BCKDHB: variants seen among roughly 807,000 people sequenced by gnomAD.
The protein encoded by BCKDHB is branched chain keto acid dehydrogenase E1 subunit beta.
Under a neutral mutation model 48.5 loss-of-function variants are expected in BCKDHB, and 41 were observed. The ratio of observed to expected loss-of-function variants is 0.85; its 90% CI spans 0.66 to 1.10. The LOEUF is 1.10. Ranked by LOEUF, BCKDHB falls within the 50% of genes least tolerant of loss-of-function variation. BCKDHB has a pLI of 0.00. For missense variants in BCKDHB, 496 were observed against 494.2 expected (o/e 1.00, Z -0.03); for synonymous variants, 201 against 174.8 (o/e 1.15, Z -1.18).
intron 3 of BCKDHB, among the ~76,000 whole-genome samples, chr6:80,132,014 C>T (rs1770654565): frequency 6.6e-6 from 1 of 151,974 alleles, no homozygotes; most frequent in Non-Finnish European, 1.5e-5. Flanking sequence ...TTTATTTTAT[C>T]TATTTTTTAG....
Position 80,331,929 on chromosome 6 carries a change from T to C in BCKDHB, c.1039-11735T>C, listed in dbSNP as rs1582581565. Among the ~76,000 whole-genome samples, 4 of 152,166 alleles carry C rather than the reference T, an allele frequency of 2.6e-5. No individual in the cohort carries two copies. In the Middle Eastern group the frequency reaches 0.014, roughly 521 times the overall value. Reference sequence around the variant, plus strand: ...AAAATCCTTGGGGGTTGGTTATTTGTTATGTCAATTGTAAGCATGCTCATT... The same window carrying C: ...AAAATCCTTGGGGGTTGGTTATTTGCTATGTCAATTGTAAGCATGCTCATT... On this transcript the variant is annotated intron_variant, in intron 9 of 9. Coordinates refer to ENST00000320393, the MANE Select transcript of BCKDHB (RefSeq NM_183050.4).
the BCKDHB span, among the ~76,000 whole-genome samples, chr6:80,384,560 T>C: frequency 1.3e-5 from 2 of 152,040 alleles, no homozygotes; most frequent in East Asian, 1.9e-4. Context: ...AGTTTCACCA[T>C]GTTGGCCACG....
At chr6:80,333,427 G>T (rs1229917703) in intron 9 of BCKDHB, among the ~76,000 whole-genome samples, 1 of 152,054 alleles carries the variant, frequency 6.6e-6, no homozygotes, top group Non-Finnish European at 1.5e-5. Context: ...AAATAGCTGG[G>T]TTTTTTTGTT....
chr6:80,334,713 C>T (rs1051988631), intron 9 of BCKDHB, among the ~76,000 whole-genome samples: 2 of 151,528 alleles, frequency 1.3e-5, no homozygotes, highest in African/African-American at 4.8e-5. Context: ...AAAATAGATT[C>T]CCCCCTCCCC....
At chr6:80,147,109 A>G (rs1178033875) in intron 3 of BCKDHB, among the ~76,000 whole-genome samples, 2 of 152,144 alleles carry the variant, frequency 1.3e-5, no homozygotes, top group Non-Finnish European at 2.9e-5. Context: ...CTGTTCTTAG[A>G]ACTTTACATA....
At chr6:80,420,143 G>T in the BCKDHB span, among the ~76,000 whole-genome samples, 1 of 152,090 alleles carries the variant, frequency 6.6e-6, no homozygotes, top group African/African-American at 2.4e-5. Flanking sequence ...GACAATTTTT[G>T]ATCTCCAATT....
chr6:80,418,507 A>G, the BCKDHB span, among the ~76,000 whole-genome samples: 3 of 152,140 alleles, frequency 2.0e-5, no homozygotes, highest in African/African-American at 4.8e-5. Flanking sequence ...TGATTATGGT[A>G]AAAGGTGGAT....
chr6:80,309,464 T>C (rs146924991), intron 9 of BCKDHB, among the ~76,000 whole-genome samples: 262 of 152,360 alleles, frequency 1.7e-3, no homozygotes, highest in African/African-American at 6.0e-3. Flanking sequence ...TCTCATCCTT[T>C]CTATAGTCTC....
intron 9 of BCKDHB, among the ~76,000 whole-genome samples, chr6:80,281,240 C>CTGAAGAAGAAGCTGCCTGGGT (rs1266134143): frequency 6.6e-6 from 1 of 151,934 alleles, no homozygotes; most frequent in Non-Finnish European, 1.5e-5. Flanking sequence ...GGGAAAGTTT[C>CTGAAGAAGAAGCTGCCTGGGT]TGAAGAAGAA....
the BCKDHB span, among the ~76,000 whole-genome samples, chr6:80,447,070 C>T: frequency 6.6e-6 from 1 of 152,040 alleles, no homozygotes; most frequent in South Asian, 2.1e-4. Flanking sequence ...AGTGATGAAG[C>T]TTGGGACCTT....
intron 9 of BCKDHB, among the ~76,000 whole-genome samples, chr6:80,330,713 T>C (rs972787787): frequency 6.6e-5 from 4 of 61,004 alleles, no homozygotes; most frequent in African/African-American, 1.8e-4. Context: ...ACTACAGGTA[T>C]GAAATATAAC....
rs1385303285 is a variant in BCKDHB at position 80,204,309 on chromosome 6, TCTAAAC to T, written c.951+1098_951+1103del. On this transcript the variant is annotated intron_variant, in intron 8 of 9. Coordinates refer to ENST00000320393, the MANE Select transcript of BCKDHB (RefSeq NM_183050.4). ...GTTTGTGAAGACTCACTTGACACCATCTAAACACTTGACATGCTTACAAATGATCCC... is the reference window on the plus strand; with the variant it reads ...GTTTGTGAAGACTCACTTGACACCATACTTGACATGCTTACAAATGATCCC... Among the ~76,000 whole-genome samples, 4 of 152,266 alleles carry T rather than the reference TCTAAAC, an allele frequency of 2.6e-5. No individual in the cohort carries two copies. The East Asian group carries it at 7.7e-4, about 29-fold the overall frequency.
chr6:80,437,182 A>G, the BCKDHB span, among the ~76,000 whole-genome samples: 2 of 152,198 alleles, frequency 1.3e-5, no homozygotes, highest in African/African-American at 2.4e-5. Flanking sequence ...TAGACTTCCC[A>G]GAATAAAATC....
At position 80,198,219 on chromosome 6, in the gene BCKDHB, C is replaced by T. The variant is rs374876033; in HGVS notation, c.743-2715C>T. 7.9e-5 allele frequency among the ~76,000 whole-genome samples: 12 copies of T among 152,192 alleles called. No individual in the cohort carries two copies. In the East Asian group the frequency reaches 1.7e-3, roughly 22 times the overall value. On this transcript the variant is annotated intron_variant, in intron 6 of 9. Coordinates refer to ENST00000320393, the MANE Select transcript of BCKDHB (RefSeq NM_183050.4). Reference sequence around the variant, plus strand: ...AATCAATGGCATGGTTGTGAGCCAACGAAATGCTGTTTACAAAAAAATCAA... The same window carrying T: ...AATCAATGGCATGGTTGTGAGCCAATGAAATGCTGTTTACAAAAAAATCAA...
intron 9 of BCKDHB, among the ~76,000 whole-genome samples, chr6:80,340,693 T>G (rs1769843260): frequency 6.6e-6 from 1 of 152,246 alleles, no homozygotes; most frequent in African/African-American, 2.4e-5. Context: ...GCTATGGTTA[T>G]GGCGTCATGT....
chr6:80,172,717 A>C (rs1386719583), intron 6 of BCKDHB, among the ~76,000 whole-genome samples: 1 of 152,128 alleles, frequency 6.6e-6, no homozygotes, highest in African/African-American at 2.4e-5. Flanking sequence ...TTCATGGCCC[A>C]TGCAACTGGG....
chr6:80,208,408 A>G (rs2127836111), intron 8 of BCKDHB, among the ~76,000 whole-genome samples: 1 of 151,932 alleles, frequency 6.6e-6, no homozygotes, highest in East Asian at 1.9e-4. Context: ...TAATGATCTG[A>G]ATTTCCATCT....
chr6:80,125,725 T>G (rs1353400081), intron 1 of BCKDHB, among the ~76,000 whole-genome samples: 3 of 152,134 alleles, frequency 2.0e-5, no homozygotes, highest in East Asian at 3.8e-4. Flanking sequence ...CATACAACAT[T>G]TATTGAGGTT....
At chr6:80,294,565 A>G (rs182693332) in intron 9 of BCKDHB, among the ~76,000 whole-genome samples, 11 of 152,290 alleles carry the variant, frequency 7.2e-5, no homozygotes, top group Admixed American at 3.3e-4. Context: ...CTAGCAAGGA[A>G]TATTTATATC....
Sources: gnomAD v4.1 joint callset for allele counts (sites outside exome capture counted in the v4.1 genomes callset) on GRCh38, gnomAD v4.1.1 for gene constraint, MANE v1.5 for transcripts, NCBI Gene and HGNC (gene_info 2026-07-23, HGNC 2026-07-21) for gene names.